Variants in PCDHGA2 observed in about 807,000 individuals in gnomAD.
PCDHGA2 encodes protocadherin gamma subfamily A, 2, also known as protocadherin gamma-A2.
A neutral mutation model predicts 59.2 loss-of-function variants in PCDHGA2; 40 were observed. That is an observed-to-expected ratio of 0.68 (90% CI 0.52 to 0.88). The LOEUF (loss-of-function observed/expected upper bound fraction) is 0.88, where lower values mean the gene tolerates loss of function less well. PCDHGA2 is among the 40% of genes least tolerant of loss of function. The pLI, the probability that PCDHGA2 is intolerant of heterozygous loss-of-function variation, is 0.00. For missense variants in PCDHGA2, 1,226 were observed against 1,204.0 expected (o/e 1.02, Z -0.27); for synonymous variants, 560 against 526.0 (o/e 1.06, Z -0.89).
intron 1 of PCDHGA2, among the ~76,000 whole-genome samples, chr5:141,466,436 G>A (rs181613158): frequency 1.3e-5 from 2 of 152,270 alleles, no homozygotes; most frequent in East Asian, 1.9e-4. Context: ...AAGCTGAACC[G>A]AGATGTCTAT....
At chr5:141,417,950 GAGCCGATCCGCT>G (rs1361985861) in intron 1 of PCDHGA2, 1 of 1,613,484 alleles carries the variant, frequency 6.2e-7, no homozygotes, top group African/African-American at 1.3e-5. Context: ...CACGCTGTGT[GAGCCGATCCGCT>G]ACTCGATTCC....
rs377138746 is a variant in PCDHGA2, at chr5:141,432,481, C to A, written c.2425-62326C>A. Reference sequence around the variant, plus strand: ...CCCTCCCCACGGACGGTTCCACTGGCGTGGAGCTGGCTCCCCGCTCCGCAG... The same window carrying A: ...CCCTCCCCACGGACGGTTCCACTGGAGTGGAGCTGGCTCCCCGCTCCGCAG... On this transcript the variant is annotated intron_variant, in intron 1 of 3. Transcript: ENST00000394576. This position sits in a 1 kb window ranked among gnomAD's most constrained non-coding sequence, Gnocchi z 6.0. 6.2e-7 allele frequency: 1 copy of A among 1,614,080 alleles called. No individual in the cohort carries two copies.
rs958652662 is a variant in PCDHGA2, at chr5:141,494,839, T to C, written c.2457T>C (p.Ser819=). 6.2e-7 allele frequency: 1 copy of C among 1,614,106 alleles called. No individual in the cohort carries two copies. Among genetic ancestry groups the C allele is most frequent in the Non-Finnish European group, 8.5e-7 (1 of 1,180,016 alleles). ...QAPPNTDWRF[S]QAQRPGTSGS... ...CGCCCAACACGGACTGGCGTTTCTC[T>C]CAGGCCCAGAGACCCGGCACCAGCG... The change falls in exon 2 of 4, where the codon TCT becomes TCC. Residue 819 remains serine (S), a synonymous_variant. Coordinates refer to ENST00000394576, the MANE Select transcript of PCDHGA2 (RefSeq NM_018915.4).
chr5:141,345,741 G>C, intron 1 of PCDHGA2: 1 of 1,614,216 alleles, frequency 6.2e-7, no homozygotes, highest in African/African-American at 1.3e-5. Context: ...CCTCCCCACA[G>C]ACGGTTCCAC....
chr5:141,390,300 T>A, intron 1 of PCDHGA2: 1 of 1,613,822 alleles, frequency 6.2e-7, no homozygotes, highest in Non-Finnish European at 8.5e-7. Flanking sequence ...CCTTTAAGTA[T>A]AATTTAATGC....
rs945917670 is a variant in PCDHGA2, at chr5:141,377,790, T to G, written c.2424+36395T>G. On this transcript the variant is annotated intron_variant, in intron 1 of 3. Transcript: ENST00000394576. ...TGGTGTTAAAAGACCTGAATAACAT[T>G]CCTGTAACTATCTGTTATTTACTTG... 2.6e-5 allele frequency: 4 copies of G among 152,296 alleles called. No individual in the cohort carries two copies. The East Asian group carries it at 7.7e-4, about 29-fold the overall frequency. 9.4% of individuals were successfully genotyped at this position (152,296 alleles called of 1,614,324 possible).
intron 1 of PCDHGA2, chr5:141,440,448 A>G (rs2098178859): frequency 6.6e-6 from 1 of 152,168 alleles, no homozygotes; most frequent in East Asian, 1.9e-4. Context: ...CGCCATCTCA[A>G]AAAAAATGAA....
intron 1 of PCDHGA2, chr5:141,375,772 G>C (rs769630296): frequency 2.5e-6 from 4 of 1,614,228 alleles, no homozygotes; most frequent in Admixed American, 3.3e-5. Flanking sequence ...CCGAGATCCT[G>C]TACCCCGCCC....
chr5:141,471,747 T>A (rs2099263878), intron 1 of PCDHGA2, among the ~76,000 whole-genome samples: 1 of 152,200 alleles, frequency 6.6e-6, no homozygotes, highest in African/African-American at 2.4e-5. Context: ...ACATAACATA[T>A]TTGAGGGTGT....
At chr5:141,379,573 G>C (rs1470548160) in intron 1 of PCDHGA2, 1 of 152,120 alleles carries the variant, frequency 6.6e-6, no homozygotes, top group Non-Finnish European at 1.5e-5. Context: ...GATCAGGCTG[G>C]TTTATTTTAT....
intron 1 of PCDHGA2, chr5:141,419,649 A>C: frequency 6.2e-7 from 1 of 1,612,422 alleles, no homozygotes; most frequent in Non-Finnish European, 8.5e-7. Context: ...GTGGACGCGG[A>C]CTCGGGGCAC....
intron 1 of PCDHGA2, chr5:141,398,109 G>T: frequency 6.3e-7 from 1 of 1,594,204 alleles, no homozygotes; most frequent in Non-Finnish European, 8.5e-7. Context: ...TGGTGAGCAA[G>T]CTGAGGAGAG....
chr5:141,408,290 A>T (rs767669019), intron 1 of PCDHGA2: 80 of 1,613,008 alleles, frequency 5.0e-5, no homozygotes, highest in Non-Finnish European at 6.1e-5. Context: ...CCCCACCCTG[A>T]GTGAGCCGAT....
At chr5:141,385,292 AG>A (rs1458906535) in intron 1 of PCDHGA2, 1 of 1,613,082 alleles carries the variant, frequency 6.2e-7, no homozygotes, top group African/African-American at 1.3e-5. Flanking sequence ...GTAGATTTTC[AG>A]GAATGTAAAG....
chr5:141,387,471 T>C (rs1321289050), intron 1 of PCDHGA2, among the ~76,000 whole-genome samples: 3 of 152,232 alleles, frequency 2.0e-5, no homozygotes, highest in East Asian at 1.9e-4. Flanking sequence ...ATCCTCAAAG[T>C]TGGGATGAAG....
intron 1 of PCDHGA2, chr5:141,342,899 A>G (rs1757224916): frequency 6.6e-6 from 1 of 152,192 alleles, no homozygotes; most frequent in Non-Finnish European, 1.5e-5. Flanking sequence ...TAAACAAAGG[A>G]AACTTCTTTC....
chr5:141,389,784 G>A (rs1380763543), intron 1 of PCDHGA2: 5 of 1,613,318 alleles, frequency 3.1e-6, no homozygotes, highest in Non-Finnish European at 4.2e-6. Flanking sequence ...AGGCGACAGG[G>A]ACGCCGTCCG....
rs772195653 is a variant in PCDHGA2 at position 141,477,704 on chromosome 5, C to A, written c.2425-17103C>A. On this transcript the variant is annotated intron_variant, in intron 1 of 3. Transcript: ENST00000394576. The surrounding 1 kb of genome is among the most constrained non-coding windows in gnomAD (Gnocchi z 4.9). ...CTTAGTGCCCCTAGACTATGAGGAT[C>A]GGCGGGAATTTGAATTAACAGCTCA... The A allele has an allele frequency of 5.0e-6, 8 of 1,613,850 alleles. No individual in the cohort carries two copies. Among genetic ancestry groups the A allele is most frequent in the Non-Finnish European group, 5.9e-6 (7 of 1,180,046 alleles).
chr5:141,347,137 C>CTCTTTCTTTCTTTCTTTATT (rs1757892223), intron 1 of PCDHGA2, among the ~76,000 whole-genome samples: 1 of 113,744 alleles, frequency 8.8e-6, no homozygotes, highest in African/African-American at 3.8e-5. Context: ...CTCTGTTTCT[C>CTCTTTCTTTCTTTCTTTATT]TCTTTCTTTC....
Sources: allele counts gnomAD v4.1 joint callset (sites outside exome capture counted in the v4.1 genomes callset), GRCh38; gene constraint gnomAD v4.1.1; non-coding constraint Gnocchi (gnomAD v3.1); transcripts MANE v1.5; gene names NCBI Gene and HGNC (gene_info 2026-07-23, HGNC 2026-07-21).